PAK5: variants seen among roughly 807,000 people sequenced by gnomAD.
The protein encoded by PAK5 is p21 (RAC1) activated kinase 5, also known as serine/threonine-protein kinase PAK 5.
In PAK5, 16 loss-of-function variants were observed where a neutral mutation model predicts 65.9. The observed-to-expected ratio is 0.24, with a 90% CI of 0.16 to 0.37. PAK5 has a LOEUF of 0.37. PAK5 is among the 10% of genes least tolerant of loss of function. The pLI is 1.00. For missense variants in PAK5, 785 were observed against 903.9 expected (o/e 0.87, Z 1.69); for synonymous variants, 371 against 354.9 (o/e 1.05, Z -0.51).
In PAK5 at chr20:9,756,472, A is replaced by AC. The variant is rs572367061; in HGVS notation, c.-161-45038dup. 5.9e-4 allele frequency among the ~76,000 whole-genome samples: 90 copies of AC among 152,060 alleles called. 1 individual carries two copies. Among genetic ancestry groups the AC allele is most frequent in the African/African-American group, 2.1e-3 (86 of 41,494 alleles). On this transcript the variant is annotated intron_variant, in intron 1 of 9. Transcript: ENST00000353224. Reference sequence around the variant, plus strand: ...CTGTTTGATACAGTAGCCACACACCACCCCCAGCCTCCCATCCCGGCAGCT... The same window carrying AC: ...CTGTTTGATACAGTAGCCACACACCACCCCCCAGCCTCCCATCCCGGCAGCT...
chr20:9,709,222 GTCT>G (rs2048047869), intron 2 of PAK5, among the ~76,000 whole-genome samples: 1 of 152,108 alleles, frequency 6.6e-6, no homozygotes, highest in African/African-American at 2.4e-5. Context: ...TCATTTTTAG[GTCT>G]TCTTTGTTTT....
chr20:9,735,367 C>T (rs146960112), intron 1 of PAK5, among the ~76,000 whole-genome samples: 293 of 152,182 alleles, frequency 1.9e-3, no homozygotes, highest in African/African-American at 6.1e-3. Flanking sequence ...CTCAAGTATT[C>T]GACTGAGTAG....
chr20:9,746,456 T>C (rs1757870461), intron 1 of PAK5, among the ~76,000 whole-genome samples: 1 of 151,988 alleles, frequency 6.6e-6, no homozygotes, highest in South Asian at 2.1e-4. Context: ...TACAACATAC[T>C]ACAGTAAAGT....
chr20:9,715,471 T>C (rs2048132433), intron 1 of PAK5, among the ~76,000 whole-genome samples: 1 of 152,174 alleles, frequency 6.6e-6, no homozygotes, highest in Non-Finnish European at 1.5e-5. Flanking sequence ...GTGCAACCAT[T>C]GTGGAAGTCA....
At chr20:9,721,655 A>C (rs2048216289) in intron 1 of PAK5, among the ~76,000 whole-genome samples, 1 of 13,040 alleles carries the variant, frequency 7.7e-5, no homozygotes, top group African/African-American at 3.2e-4. Flanking sequence ...CTCCATCTCA[A>C]AAAAAAAAAA....
chr20:9,596,185 A>G (rs945242235), intron 3 of PAK5, among the ~76,000 whole-genome samples: 17 of 152,086 alleles, frequency 1.1e-4, no homozygotes, highest in Admixed American at 9.2e-4. Flanking sequence ...AGTCCTCAGC[A>G]ATTTTAAAAT....
At chr20:9,758,105 C>T (rs1264433084) in intron 1 of PAK5, among the ~76,000 whole-genome samples, 1 of 152,172 alleles carries the variant, frequency 6.6e-6, no homozygotes, top group Non-Finnish European at 1.5e-5. Flanking sequence ...TTATACTTTC[C>T]TACAATAGCA....
At chr20:9,790,023 C>T (rs1569088844) in intron 1 of PAK5, among the ~76,000 whole-genome samples, 1 of 152,122 alleles carries the variant, frequency 6.6e-6, no homozygotes, top group Non-Finnish European at 1.5e-5. Context: ...AGGGAGCTGG[C>T]AGAATTTAGT....
chr20:9,813,989 T>C (rs1357149573), intron 1 of PAK5, among the ~76,000 whole-genome samples: 19 of 152,192 alleles, frequency 1.2e-4, no homozygotes, highest in Non-Finnish European at 4.4e-5. Flanking sequence ...ATTAACTGGC[T>C]ATTTTAGGAT....
chr20:9,658,895 T>C (rs1235463275), intron 2 of PAK5, among the ~76,000 whole-genome samples: 1 of 152,194 alleles, frequency 6.6e-6, no homozygotes, highest in Non-Finnish European at 1.5e-5. Context: ...TTCTGGTAGT[T>C]GGCAGAGGAA....
At chr20:9,630,908 C>T (rs2046912841) in intron 3 of PAK5, among the ~76,000 whole-genome samples, 1 of 152,168 alleles carries the variant, frequency 6.6e-6, no homozygotes, top group South Asian at 2.1e-4. Flanking sequence ...CCTGTGCTGT[C>T]CCACCATTAC....
chr20:9,773,646 G>A (rs1157502525), intron 1 of PAK5, among the ~76,000 whole-genome samples: 2 of 152,188 alleles, frequency 1.3e-5, no homozygotes, highest in Non-Finnish European at 1.5e-5. Context: ...ACAAGTGGGG[G>A]CAGAGAGTGG....
At chr20:9,632,904 T>A (rs2046940412) in intron 3 of PAK5, among the ~76,000 whole-genome samples, 1 of 152,210 alleles carries the variant, frequency 6.6e-6, no homozygotes, top group Non-Finnish European at 1.5e-5. Context: ...CAGATAGGTA[T>A]AAGGTTTGAG....
intron 1 of PAK5, among the ~76,000 whole-genome samples, chr20:9,733,987 G>A (rs1030697403): frequency 8.5e-5 from 13 of 152,170 alleles, no homozygotes; most frequent in African/African-American, 3.1e-4. Context: ...GCTTCCTAAG[G>A]TTGGGTCATT....
intron 4 of PAK5, 144 bp downstream of exon 4, chr20:9,580,001 G>A (rs952137457): frequency 1.4e-5 from 9 of 637,556 alleles, no homozygotes; most frequent in Middle Eastern, 4.5e-4. Flanking sequence ...GGCCTCACAA[G>A]TGGAGATAGG....
intron 2 of PAK5, among the ~76,000 whole-genome samples, chr20:9,704,075 A>G (rs1378198774): frequency 6.6e-6 from 1 of 152,176 alleles, no homozygotes; most frequent in Non-Finnish European, 1.5e-5. Context: ...AAGCTCATCC[A>G]TCCAAATGAA....
At chr20:9,596,848 C>T (rs1184580365) in intron 3 of PAK5, among the ~76,000 whole-genome samples, 1 of 152,108 alleles carries the variant, frequency 6.6e-6, no homozygotes, top group Non-Finnish European at 1.5e-5. Flanking sequence ...GCGTATTAAA[C>T]CCTACTTGGC....
intron 3 of PAK5, among the ~76,000 whole-genome samples, chr20:9,633,475 G>T (rs539595825): frequency 6.5e-4 from 99 of 152,168 alleles, no homozygotes; most frequent in Non-Finnish European, 1.2e-3. Context: ...GTACAACTGG[G>T]TTAAAACTAT....
At chr20:9,808,680 A>G (rs1002576074) in intron 1 of PAK5, among the ~76,000 whole-genome samples, 3 of 152,180 alleles carry the variant, frequency 2.0e-5, no homozygotes, top group African/African-American at 4.8e-5. Context: ...AGGCAAATTC[A>G]TAGAGTTAGA....
Sources: gnomAD v4.1 joint callset for allele counts (sites outside exome capture counted in the v4.1 genomes callset) on GRCh38, gnomAD v4.1.1 for gene constraint, MANE v1.5 for transcripts, NCBI Gene and HGNC (gene_info 2026-07-23, HGNC 2026-07-21) for gene names.